BMPER: variants seen among roughly 807,000 people sequenced by gnomAD.
The protein encoded by BMPER is BMP-binding endothelial regulator protein.
BMPER carries 45 observed loss-of-function variants against 87.3 expected under a neutral mutation model. The ratio of observed to expected loss-of-function variants is 0.52; its 90% CI spans 0.41 to 0.66. The LOEUF (loss-of-function observed/expected upper bound fraction) is 0.66. Ranked by LOEUF, BMPER falls within the 30% of genes least tolerant of loss-of-function variation. BMPER has a pLI of 0.00. For missense variants in BMPER, 784 were observed against 867.5 expected (o/e 0.90, Z 1.21); for synonymous variants, 326 against 316.2 (o/e 1.03, Z -0.33).
chr7:33,994,119 A>C (rs575444864), intron 6 of BMPER, among the ~76,000 whole-genome samples: 99 of 143,562 alleles, frequency 6.9e-4, no homozygotes, highest in African/African-American at 2.3e-3. Context: ...AGAGGCAGGC[A>C]GGCCTCCTTG....
At chr7:33,976,156 A>AT (rs1332665596) in intron 6 of BMPER, among the ~76,000 whole-genome samples, 2 of 151,846 alleles carry the variant, frequency 1.3e-5, no homozygotes, top group African/African-American at 2.4e-5. Flanking sequence ...TTTATTTTTT[A>AT]TTTTTTTATT....
chr7:34,128,315 A>C (rs558771027), intron 13 of BMPER, among the ~76,000 whole-genome samples: 24 of 152,206 alleles, frequency 1.6e-4, no homozygotes, highest in African/African-American at 4.3e-4. Context: ...TATTTCCTTG[A>C]ACTCCCTTGG....
chr7:34,148,336 TTC>T (rs1292564909), intron 14 of BMPER, among the ~76,000 whole-genome samples: 1 of 152,208 alleles, frequency 6.6e-6, no homozygotes, highest in African/African-American at 2.4e-5. Flanking sequence ...ACTAATGTCT[TTC>T]TCTCTTACTC....
chr7:33,925,524 T>C (rs1288319009), intron 2 of BMPER, among the ~76,000 whole-genome samples: 2 of 152,184 alleles, frequency 1.3e-5, no homozygotes, highest in Non-Finnish European at 2.9e-5. Flanking sequence ...TTACCACTCA[T>C]GGTGGACTTG....
intron 6 of BMPER, among the ~76,000 whole-genome samples, chr7:34,035,566 AGTCATTCAT>A (rs1787641242): frequency 6.6e-6 from 1 of 152,208 alleles, no homozygotes; most frequent in Admixed American, 6.5e-5. Context: ...CTTAATTAAG[AGTCATTCAT>A]GTCAAGATAA....
At chr7:34,138,836 A>G (rs1037822221) in intron 13 of BMPER, among the ~76,000 whole-genome samples, 1 of 152,224 alleles carries the variant, frequency 6.6e-6, no homozygotes, top group Non-Finnish European at 1.5e-5. Flanking sequence ...ACCATCAAAC[A>G]GAACATAAAT....
intron 13 of BMPER, among the ~76,000 whole-genome samples, chr7:34,112,403 G>A (rs1313416648): frequency 2.0e-5 from 3 of 150,972 alleles, no homozygotes; most frequent in African/African-American, 7.3e-5. Flanking sequence ...GGCTGAGGCA[G>A]GAGAACGGCG....
At chr7:33,941,401 G>A (rs985673324) in intron 3 of BMPER, among the ~76,000 whole-genome samples, 2 of 151,462 alleles carry the variant, frequency 1.3e-5, no homozygotes, top group East Asian at 1.9e-4. Flanking sequence ...GACAGGGGTC[G>A]GGGGATGGTT....
At chr7:33,980,388 A>C (rs2127916389) in intron 6 of BMPER, among the ~76,000 whole-genome samples, 1 of 152,344 alleles carries the variant, frequency 6.6e-6, no homozygotes, top group South Asian at 2.1e-4. Flanking sequence ...ACTGAAGCAA[A>C]GAATAGTTTA....
chr7:33,973,773 C>T (rs2128619518), intron 5 of BMPER, among the ~76,000 whole-genome samples: 1 of 152,362 alleles, frequency 6.6e-6, no homozygotes, highest in Non-Finnish European at 1.5e-5. Context: ...CCTCAGCTGT[C>T]CTGGTCCAGC....
At chr7:33,966,261 A>G (rs1186020771) in intron 3 of BMPER, among the ~76,000 whole-genome samples, 1 of 152,176 alleles carries the variant, frequency 6.6e-6, no homozygotes, top group Non-Finnish European at 1.5e-5. Flanking sequence ...ATAATTCAGG[A>G]GGTTAATCTT....
At chr7:34,041,397 T>A (rs1393528827) in intron 6 of BMPER, among the ~76,000 whole-genome samples, 4 of 152,180 alleles carry the variant, frequency 2.6e-5, no homozygotes, top group African/African-American at 9.7e-5. Flanking sequence ...CCCCTCAGTC[T>A]GCCACCTCAT....
At chr7:34,127,484 CA>C (rs757554417) in intron 13 of BMPER, among the ~76,000 whole-genome samples, 12 of 152,176 alleles carry the variant, frequency 7.9e-5, no homozygotes, top group Non-Finnish European at 1.6e-4. Context: ...CACTACCAAT[CA>C]GGGGTCCCCT....
At position 34,073,557 on chromosome 7, in the gene BMPER, G is replaced by A. The variant is rs191200745; in HGVS notation, c.1079-5300G>A. 1.6e-3 allele frequency among the ~76,000 whole-genome samples: 247 copies of A among 152,342 alleles called. 3 individuals carry two copies. Among genetic ancestry groups the A allele is most frequent in the Non-Finnish European group, 1.4e-3 (92 of 68,040 alleles). The stretch of plus-strand genomic sequence containing the variant: ...CATGTGTCTACCTGTAGACCCTTCT[G>A]TATACATGGCAGTGTGCCAGGCACT... On this transcript the variant is annotated intron_variant, in intron 11 of 14. Transcript: ENST00000649409.
At chr7:33,929,407 C>T (rs1219955996) in intron 2 of BMPER, among the ~76,000 whole-genome samples, 1 of 152,142 alleles carries the variant, frequency 6.6e-6, no homozygotes, top group Non-Finnish European at 1.5e-5. Flanking sequence ...TGACCAGGCA[C>T]TCAGAGACTG....
intron 6 of BMPER, among the ~76,000 whole-genome samples, chr7:34,022,248 T>A (rs1562693873): frequency 1.3e-5 from 2 of 152,038 alleles, no homozygotes; most frequent in Non-Finnish European, 1.5e-5. Context: ...TAAGATTTAC[T>A]ATCTTAGCCT....
At chr7:34,002,150 A>C (rs572720082) in intron 6 of BMPER, among the ~76,000 whole-genome samples, 3 of 151,800 alleles carry the variant, frequency 2.0e-5, no homozygotes, top group South Asian at 4.1e-4. Context: ...TTTAGAGTGG[A>C]GCGTTCTCTG....
Position 34,051,879 on chromosome 7 carries a change from A to G in BMPER, c.695A>G (p.Asp232Gly). 4 of 1,613,588 alleles carry G rather than the reference A, an allele frequency of 2.5e-6. No homozygotes were observed. Among genetic ancestry groups the G allele is most frequent in the Non-Finnish European group, 3.4e-6 (4 of 1,179,596 alleles). ...PKCLGQRKVF[D>G]LPFGSCLFRS... is the part of the protein sequence containing the mutation. Reference sequence around the variant, plus strand: ...TCTCTAGGTCAGAGGAAAGTGTTTGACCTCCCTTTTGGGAGCTGCCTCTTT... The same window carrying G: ...TCTCTAGGTCAGAGGAAAGTGTTTGGCCTCCCTTTTGGGAGCTGCCTCTTT... The change falls in exon 8 of 15, where the codon GAC (aspartate) becomes GGC (glycine). Residue 232 changes from aspartate to glycine, a missense_variant. Asp to Gly is a moderately conservative substitution (Grantham distance 94). Coordinates refer to ENST00000649409, the MANE Select transcript of BMPER (RefSeq NM_001365308.1).
At chr7:34,008,337 G>A (rs189735845) in intron 6 of BMPER, among the ~76,000 whole-genome samples, 1 of 151,940 alleles carries the variant, frequency 6.6e-6, no homozygotes, top group East Asian at 1.9e-4. Context: ...TGATTCTGTA[G>A]TAGTATTTTC....
Sources: allele counts gnomAD v4.1 joint callset (sites outside exome capture counted in the v4.1 genomes callset), GRCh38; gene constraint gnomAD v4.1.1; transcripts MANE v1.5; gene names NCBI Gene and HGNC (gene_info 2026-07-23, HGNC 2026-07-21).